Variants in STXBP6 observed in about 807,000 individuals in gnomAD.
STXBP6 encodes the protein syntaxin binding protein 6, also known as syntaxin-binding protein 6.
STXBP6 carries 21 observed loss-of-function variants against 26.9 expected under a neutral mutation model. That is an observed-to-expected ratio of 0.78 (90% CI 0.55 to 1.12). STXBP6 has a LOEUF of 1.12. Ranked by LOEUF, STXBP6 falls within the 50% of genes most tolerant of loss-of-function variation. The pLI, the probability that STXBP6 is intolerant of heterozygous loss-of-function variation, is 0.00. For synonymous variants in STXBP6, 97 were observed against 92.6 expected, an observed-to-expected ratio of 1.05 and a Z score of -0.27; for missense variants, 232 against 257.9, an observed-to-expected ratio of 0.90 and a Z score of 0.69.
At chr14:24,844,001 G>A (rs552878870) in intron 4 of STXBP6, among the ~76,000 whole-genome samples, 4 of 152,248 alleles carry the variant, frequency 2.6e-5, no homozygotes, top group East Asian at 1.9e-4. Flanking sequence ...TTTAACTTTC[G>A]GCCCCACCCC....
intron 5 of STXBP6, among the ~76,000 whole-genome samples, chr14:24,814,719 G>C (rs1395632573): frequency 6.6e-6 from 1 of 152,222 alleles, no homozygotes; most frequent in Non-Finnish European, 1.5e-5. Flanking sequence ...CCCCCAAGGT[G>C]ATACTATTAG....
chr14:24,832,941 G>A (rs921529296), intron 4 of STXBP6, among the ~76,000 whole-genome samples: 1 of 152,104 alleles, frequency 6.6e-6, no homozygotes, highest in African/African-American at 2.4e-5. Flanking sequence ...AGTCCTAATG[G>A]CTACTCTTTA....
rs200035122 is a variant in STXBP6 at position 24,918,481 on chromosome 14, C to CAA, written c.154+56183_154+56184insTT. Among the ~76,000 whole-genome samples the CAA allele has an allele frequency of 7.7e-5, 11 of 141,956 alleles. No individual in the cohort carries two copies. In the East Asian group the frequency reaches 2.2e-3, roughly 28 times the overall value. The allele number at this position is 141,956 out of a possible 152,430, so 93.1% of individuals were successfully genotyped here. A position where few individuals can be genotyped will look rare whatever the true frequency, so the allele number is the denominator to read the frequency against. On this transcript the variant is annotated intron_variant, in intron 2 of 5. Transcript: ENST00000323944. ...ACACACACACACACACACACACACACACACACACACACACACACACAGCAG... is the reference window on the plus strand; with the variant it reads ...ACACACACACACACACACACACACACAAACACACACACACACACACACAGCAG...
chr14:24,999,048 G>C (rs1296064859), intron 1 of STXBP6, among the ~76,000 whole-genome samples: 1 of 152,076 alleles, frequency 6.6e-6, no homozygotes, highest in Non-Finnish European at 1.5e-5. Context: ...TACAGATGCT[G>C]AACTTACAAT....
intron 5 of STXBP6, chr14:24,817,514 T>G (rs772260054): frequency 6.3e-6 from 1 of 159,830 alleles, no homozygotes; most frequent in Non-Finnish European, 1.4e-5. Flanking sequence ...AAGACTGTTA[T>G]AAAGTTATTC....
At chr14:24,837,913 A>T (rs1199440994) in intron 4 of STXBP6, among the ~76,000 whole-genome samples, 1 of 152,204 alleles carries the variant, frequency 6.6e-6, no homozygotes, top group Non-Finnish European at 1.5e-5. Context: ...CTGGAAAGGA[A>T]GAACAACAGC....
chr14:24,854,652 G>A (rs1009973298), intron 4 of STXBP6, among the ~76,000 whole-genome samples: 1 of 152,032 alleles, frequency 6.6e-6, no homozygotes, highest in Non-Finnish European at 1.5e-5. Flanking sequence ...GCCCTCTGTG[G>A]TCCTAAGCCT....
intron 4 of STXBP6, among the ~76,000 whole-genome samples, chr14:24,835,343 G>C (rs1309348372): frequency 9.9e-6 from 1 of 101,246 alleles, no homozygotes; most frequent in Non-Finnish European, 1.8e-5. Flanking sequence ...CACCATAATT[G>C]AGTGTTTTTT....
intron 2 of STXBP6, among the ~76,000 whole-genome samples, chr14:24,899,799 A>AAG (rs1555323348): frequency 3.2e-5 from 3 of 95,158 alleles, no homozygotes; most frequent in African/African-American, 8.2e-5. Context: ...AAAAAAAAAA[A>AAG]GCAAAAAAAA....
At chr14:24,824,359 G>T (rs1158035148) in intron 4 of STXBP6, among the ~76,000 whole-genome samples, 1 of 152,062 alleles carries the variant, frequency 6.6e-6, no homozygotes, top group Non-Finnish European at 1.5e-5. Flanking sequence ...TCCAAAGGAG[G>T]CTCTGTTTAG....
intron 1 of STXBP6, among the ~76,000 whole-genome samples, chr14:24,979,226 CT>C (rs2074124351): frequency 6.6e-6 from 1 of 152,222 alleles, no homozygotes; most frequent in South Asian, 2.1e-4. Context: ...AAGTTTTGGC[CT>C]TGTGGCTGTG....
intron 1 of STXBP6, among the ~76,000 whole-genome samples, chr14:25,036,380 T>C (rs2075552934): frequency 6.6e-6 from 1 of 152,176 alleles, no homozygotes; most frequent in African/African-American, 2.4e-5. Context: ...AGCACATATG[T>C]CTTTCTTCCG....
intron 1 of STXBP6, among the ~76,000 whole-genome samples, chr14:25,026,741 A>G (rs1261785909): frequency 1.3e-5 from 2 of 152,220 alleles, no homozygotes; most frequent in Admixed American, 6.5e-5. Flanking sequence ...TTAGGCAACA[A>G]ATTAAAAGTG....
chr14:24,907,500 C>T (rs1009850852), intron 2 of STXBP6, among the ~76,000 whole-genome samples: 3 of 152,154 alleles, frequency 2.0e-5, no homozygotes, highest in Non-Finnish European at 4.4e-5. Context: ...TGGAAAAACA[C>T]ACCAACATGT....
At chr14:25,008,622 T>G (rs772501750) in intron 1 of STXBP6, among the ~76,000 whole-genome samples, 5 of 152,234 alleles carry the variant, frequency 3.3e-5, no homozygotes, top group Admixed American at 1.3e-4. Flanking sequence ...ACTTGGTGTA[T>G]GGAGAACAGC....
At chr14:25,009,645 C>T (rs1477301647) in intron 1 of STXBP6, among the ~76,000 whole-genome samples, 1 of 152,174 alleles carries the variant, frequency 6.6e-6, no homozygotes, top group Non-Finnish European at 1.5e-5. Flanking sequence ...GGTGCTGACC[C>T]TGCACTAAGA....
intron 2 of STXBP6, among the ~76,000 whole-genome samples, chr14:24,873,232 G>C (rs1478981973): frequency 1.3e-5 from 2 of 152,012 alleles, no homozygotes; most frequent in Non-Finnish European, 2.9e-5. Context: ...TTAGTAGTTT[G>C]CTATTCTAGG....
At chr14:24,985,744 C>A (rs1402073041) in intron 1 of STXBP6, among the ~76,000 whole-genome samples, 1 of 152,118 alleles carries the variant, frequency 6.6e-6, no homozygotes, top group Non-Finnish European at 1.5e-5. Flanking sequence ...TATTTGACAC[C>A]CTTTTGGGCC....
At chr14:24,819,596 T>C in intron 4 of STXBP6, 1 of 403,196 alleles carries the variant, frequency 2.5e-6, no homozygotes, top group Non-Finnish European at 4.4e-6. Flanking sequence ...GATCTTATGT[T>C]ATTTCCTTTT....
Sources: gnomAD v4.1 joint callset for allele counts (sites outside exome capture counted in the v4.1 genomes callset) on GRCh38, gnomAD v4.1.1 for gene constraint, MANE v1.5 for transcripts, NCBI Gene and HGNC (gene_info 2026-07-23, HGNC 2026-07-21) for gene names.